CLVS1: variants seen among roughly 807,000 people sequenced by gnomAD.
The protein encoded by CLVS1 is clavesin-1.
In CLVS1, 10 loss-of-function variants were observed where a neutral mutation model predicts 33.1. That is an observed-to-expected ratio of 0.30 (90% CI 0.19 to 0.51). The LOEUF (loss-of-function observed/expected upper bound fraction) is 0.51, where lower values mean the gene tolerates loss of function less well. Ranked by LOEUF, CLVS1 falls within the 20% of genes least tolerant of loss-of-function variation. CLVS1 has a pLI of 0.97. For synonymous variants in CLVS1, 163 were observed against 166.1 expected (o/e 0.98, Z 0.14); for missense variants, 343 against 433.4 (o/e 0.79, Z 1.85).
chr8:61,441,422 C>T (rs915435754), intron 3 of CLVS1, among the ~76,000 whole-genome samples: 2 of 152,086 alleles, frequency 1.3e-5, no homozygotes, highest in Non-Finnish European at 1.5e-5. Context: ...GGAGGGAGTT[C>T]GTTGTATTTG....
upstream of CLVS1, among the ~76,000 whole-genome samples, chr8:61,054,560 A>G (rs1370270021): frequency 1.3e-5 from 2 of 152,132 alleles, no homozygotes; most frequent in Admixed American, 6.5e-5. Context: ...TGTTATTTAA[A>G]GGGCCAGCCA....
intron 2 of CLVS1, among the ~76,000 whole-genome samples, chr8:61,197,600 A>T (rs1585681302): frequency 6.6e-6 from 1 of 151,418 alleles, no homozygotes; most frequent in Non-Finnish European, 1.5e-5. Flanking sequence ...GCTCACTGCA[A>T]CCTCCACCTC....
At chr8:61,311,413 A>T (rs1810828517) in intron 2 of CLVS1, among the ~76,000 whole-genome samples, 1 of 152,088 alleles carries the variant, frequency 6.6e-6, no homozygotes, top group Admixed American at 6.5e-5. Flanking sequence ...CCCACCATCA[A>T]CGTGCCCTTA....
the CLVS1 span, among the ~76,000 whole-genome samples, chr8:61,029,900 G>A: frequency 5.9e-5 from 9 of 152,132 alleles, no homozygotes; most frequent in East Asian, 3.9e-4. Context: ...GCTCCTACAC[G>A]TTGCGTCAGG....
chr8:61,428,358 AAGG>A (rs1007796654), intron 3 of CLVS1, among the ~76,000 whole-genome samples: 3 of 152,192 alleles, frequency 2.0e-5, no homozygotes, highest in African/African-American at 7.2e-5. Flanking sequence ...TGTGTAAAGA[AAGG>A]AGAGAAAGAG....
intron 5 of CLVS1, among the ~76,000 whole-genome samples, chr8:61,483,903 A>T (rs1476843686): frequency 6.6e-6 from 1 of 152,228 alleles, no homozygotes; most frequent in Non-Finnish European, 1.5e-5. Flanking sequence ...AACAACCTTC[A>T]TGCTGAAAAC....
At chr8:61,416,155 T>C (rs1815420898) in intron 3 of CLVS1, among the ~76,000 whole-genome samples, 1 of 152,154 alleles carries the variant, frequency 6.6e-6, no homozygotes, top group Non-Finnish European at 1.5e-5. Context: ...TAAATAACAA[T>C]CTTCCTGTTT....
intron 1 of CLVS1, among the ~76,000 whole-genome samples, chr8:61,119,464 G>A (rs1279643969): frequency 1.3e-5 from 2 of 148,440 alleles, no homozygotes; most frequent in Admixed American, 1.3e-4. Context: ...TTTCTTCCTA[G>A]TCTCGATGGT....
chr8:61,256,188 G>A (rs1021940423), intron 2 of CLVS1, among the ~76,000 whole-genome samples: 4 of 151,998 alleles, frequency 2.6e-5, no homozygotes, highest in Admixed American at 2.0e-4. Context: ...ACTACTAAAG[G>A]TACCTCAGGT....
At chr8:61,458,623 T>G in intron 5 of CLVS1, 81 bp downstream of exon 5, 1 of 884,980 alleles carries the variant, frequency 1.1e-6, no homozygotes, top group African/African-American at 1.7e-5. Flanking sequence ...GAATTATTAA[T>G]TAAAGACCTT....
At chr8:61,263,559 G>A (rs1262588924) in intron 2 of CLVS1, among the ~76,000 whole-genome samples, 2 of 152,098 alleles carry the variant, frequency 1.3e-5, no homozygotes, top group African/African-American at 4.8e-5. Context: ...TCAACCTTTA[G>A]ACATTTTGGC....
At chr8:61,302,369 G>A (rs1038692045) in intron 2 of CLVS1, among the ~76,000 whole-genome samples, 2 of 152,094 alleles carry the variant, frequency 1.3e-5, no homozygotes, top group African/African-American at 4.8e-5. Flanking sequence ...AGATTTTTAG[G>A]TCTTATGATT....
In CLVS1 at chr8:61,379,872, G is replaced by T. The variant is rs190649587; in HGVS notation, c.630+3093G>T. ...CTTAACAGGCAGGGATGCACACAGC[G>T]CTCAGTCACTGTGTGCTGGCTGTCC... is the stretch of plus-strand genomic sequence containing the variant. On this transcript the variant is annotated intron_variant, in intron 3 of 5. Transcript: ENST00000325897. Among the ~76,000 whole-genome samples the T allele has an allele frequency of 1.6e-3, 247 of 152,250 alleles. 1 individual carries two copies. The highest frequency in any genetic ancestry group is 5.5e-3 in the African/African-American group (228 of 41,538).
At chr8:61,262,028 T>C (rs1299335907) in intron 2 of CLVS1, among the ~76,000 whole-genome samples, 2 of 131,498 alleles carry the variant, frequency 1.5e-5, no homozygotes, top group Admixed American at 1.5e-4. Flanking sequence ...GTGTGTGTAT[T>C]TTTTGGAGAC....
At chr8:61,360,943 G>A (rs929810150) in intron 2 of CLVS1, among the ~76,000 whole-genome samples, 1 of 152,004 alleles carries the variant, frequency 6.6e-6, no homozygotes, top group Non-Finnish European at 1.5e-5. Context: ...TCTGCAGGCT[G>A]TACAGGAAAT....
intron 1 of CLVS1, among the ~76,000 whole-genome samples, chr8:61,120,376 C>T (rs199499906): frequency 0.12 from 15,149 of 122,856 alleles, 749 homozygotes; most frequent in East Asian, 0.49. Flanking sequence ...CTCAGCTCGT[C>T]AAAGTCATTC....
chr8:61,436,920 C>T (rs969858567), intron 3 of CLVS1, among the ~76,000 whole-genome samples: 1 of 152,116 alleles, frequency 6.6e-6, no homozygotes, highest in Non-Finnish European at 1.5e-5. Context: ...AAATATGAGA[C>T]TCAAAGAAAG....
chr8:61,473,301 A>C (rs1378476424), intron 5 of CLVS1, among the ~76,000 whole-genome samples: 2 of 149,934 alleles, frequency 1.3e-5, no homozygotes, highest in African/African-American at 4.9e-5. Flanking sequence ...TGAAATGAAG[A>C]CATGTCCTAC....
intron 1 of CLVS1, among the ~76,000 whole-genome samples, chr8:61,109,685 G>C (rs994229766): frequency 6.6e-6 from 1 of 152,134 alleles, no homozygotes; most frequent in Non-Finnish European, 1.5e-5. Flanking sequence ...CTGAAGAGGC[G>C]ATTGGATCAT....
Sources: gnomAD v4.1 joint callset for allele counts (sites outside exome capture counted in the v4.1 genomes callset) on GRCh38, gnomAD v4.1.1 for gene constraint, MANE v1.5 for transcripts, NCBI Gene and HGNC (gene_info 2026-07-23, HGNC 2026-07-21) for gene names.